ABCA4: variants seen among roughly 807,000 people sequenced by gnomAD.
ABCA4 encodes ATP binding cassette subfamily A member 4.
A neutral mutation model predicts 263.7 loss-of-function variants in ABCA4; 196 were observed. The observed-to-expected ratio is 0.74, with a 90% CI of 0.66 to 0.84. The LOEUF is 0.84. Among genes scored for constraint, ABCA4 ranks in the 40% least tolerant of loss-of-function variants. The probability of loss-of-function intolerance (pLI) is 0.00; values close to 1 mark genes in which losing one functional copy is unlikely to be tolerated. For missense variants in ABCA4, 2,792 were observed against 2,855.1 expected (o/e 0.98, Z 0.50); for synonymous variants, 1,133 against 1,094.2 (o/e 1.04, Z -0.70).
intron 6 of ABCA4, among the ~76,000 whole-genome samples, chr1:94,095,659 C>T (rs1252921131): frequency 6.6e-6 from 1 of 151,966 alleles, no homozygotes; most frequent in Non-Finnish European, 1.5e-5. Context: ...TCTGGGCCTG[C>T]CTCAGGCTTG....
chr1:94,037,905 A>C (rs1422230972), intron 24 of ABCA4, among the ~76,000 whole-genome samples: 1 of 152,158 alleles, frequency 6.6e-6, no homozygotes, highest in Non-Finnish European at 1.5e-5. Flanking sequence ...TCATTCACTG[A>C]AAACTTGAGG....
intron 32 of ABCA4, 89 bp downstream of exon 32, chr1:94,023,297 T>C: frequency 8.9e-7 from 1 of 1,126,288 alleles, no homozygotes. Flanking sequence ...CCCCTCCTCA[T>C]GGCTGTGAGG....
intron 43 of ABCA4, among the ~76,000 whole-genome samples, chr1:94,007,317 A>G (rs1023299827): frequency 6.6e-6 from 1 of 152,178 alleles, no homozygotes. Context: ...TTATAGGAAT[A>G]GGCTACAAAT....
chr1:94,092,280 AAAGCAGTTG>A (rs1402063149), intron 6 of ABCA4, among the ~76,000 whole-genome samples: 2 of 152,178 alleles, frequency 1.3e-5, no homozygotes, highest in East Asian at 1.9e-4. Flanking sequence ...CCAGAGGTGA[AAAGCAGTTG>A]AAGCAGTGGA....
Position 93,996,159 on chromosome 1 carries a change from G to T in ABCA4, c.6766C>A (p.His2256Asn), listed in dbSNP as rs1658994254. The part of the protein sequence containing the change: ...VNFAKQQTES[H>N]DLPLHPRAAG... ...GCTCGAGGGTGCAGAGGGAGGTCAT[G>T]ACTTTCAGTCTGCTGTTTAGCAAAA... The change falls in exon 49 of 50, where the codon CAT (histidine) becomes AAT (asparagine). Residue 2256 changes from histidine to asparagine, a missense_variant. His to Asn is a moderately conservative substitution (Grantham distance 68, BLOSUM62 1). Coordinates refer to ENST00000370225, the MANE Select transcript of ABCA4 (RefSeq NM_000350.3). 6.2e-7 allele frequency: 1 copy of T among 1,614,058 alleles called. No individual in the cohort carries two copies. Among genetic ancestry groups the T allele is most frequent in the Admixed American group, 1.7e-5 (1 of 60,032 alleles).
At chr1:94,088,652 C>T (rs1167081181) in intron 6 of ABCA4, among the ~76,000 whole-genome samples, 2 of 152,196 alleles carry the variant, frequency 1.3e-5, no homozygotes, top group Non-Finnish European at 2.9e-5. Context: ...AATCTCCAGC[C>T]TGGAGATCCA....
At position 94,026,956 on chromosome 1, in the gene ABCA4, AAGAT is replaced by A. The variant is rs546853432; in HGVS notation, c.4540-1912_4540-1909del. 6.6e-5 allele frequency among the ~76,000 whole-genome samples: 10 copies of A among 151,790 alleles called. No individual in the cohort carries two copies. The South Asian group carries it at 1.0e-3, about 16-fold the overall frequency. On this transcript the variant is annotated intron_variant, in intron 30 of 49. Transcript: ENST00000370225. ...TGTGTGAGAAAGAGAGAGAGAGAGA[AAGAT>A]AGAGAGAGAATGAGAAAGAGATTGA...
At chr1:94,030,794 G>C (rs958009398) in intron 28 of ABCA4, among the ~76,000 whole-genome samples, 2 of 152,140 alleles carry the variant, frequency 1.3e-5, no homozygotes, top group Non-Finnish European at 2.9e-5. Flanking sequence ...GCCTTCCCAA[G>C]CAGTCCTGCC....
Position 94,008,865 on chromosome 1 carries a change from G to A in ABCA4, c.5721C>T (p.Ala1907=), listed in dbSNP as rs368502305. The part of the protein sequence containing the change: ...QRHFFLSQWI[A]EPTKEPIVDE... The stretch of plus-strand genomic sequence containing the variant: ...CAACAATGGGCTCCTTAGTGGGCTC[G>A]GCAATCCTAGATGAAGAAAAGGGGT... The change falls in exon 41 of 50, where the codon GCC becomes GCT. Residue 1907 remains alanine (A), a synonymous_variant. Coordinates refer to ENST00000370225, the MANE Select transcript of ABCA4 (RefSeq NM_000350.3). The A allele has an allele frequency of 8.7e-6, 14 of 1,612,234 alleles. No individual in the cohort carries two copies. Among genetic ancestry groups the A allele is most frequent in the South Asian group, 5.5e-5 (5 of 91,016 alleles).
intron 30 of ABCA4, among the ~76,000 whole-genome samples, chr1:94,028,748 A>G (rs1185025293): frequency 6.6e-6 from 1 of 151,864 alleles, no homozygotes; most frequent in Non-Finnish European, 1.5e-5. Flanking sequence ...CTGTACTAAA[A>G]CTACCAAAAA....
chr1:94,098,715 C>G, intron 6 of ABCA4, 79 bp downstream of exon 6: 2 of 1,534,974 alleles, frequency 1.3e-6, no homozygotes, highest in Non-Finnish European at 9.0e-7. Flanking sequence ...GGCTCACGCC[C>G]TCCCCAAGGT....
chr1:94,088,470 G>A (rs1355027893), intron 6 of ABCA4, among the ~76,000 whole-genome samples: 1 of 152,182 alleles, frequency 6.6e-6, no homozygotes, highest in African/African-American at 2.4e-5. Flanking sequence ...TCTCCCCAGA[G>A]CTTCAGACTT....
intron 1 of ABCA4, among the ~76,000 whole-genome samples, chr1:94,117,249 A>T (rs1463006002): frequency 6.6e-6 from 1 of 152,068 alleles, no homozygotes; most frequent in Non-Finnish European, 1.5e-5. Context: ...AAGGCCTAAA[A>T]TGAGCCCCAT....
intron 22 of ABCA4, among the ~76,000 whole-genome samples, chr1:94,042,477 T>C (rs1428845353): frequency 6.6e-6 from 1 of 152,212 alleles, no homozygotes; most frequent in African/African-American, 2.4e-5. Context: ...GACATTCACC[T>C]AGAGTAGCAT....
Position 94,040,070 on chromosome 1 carries a change from C to A in ABCA4, c.3580G>T (p.Asp1194Tyr), listed in dbSNP as rs1297633961. ...FSTTCPAHVD[D>Y]LTPEQVLDGD... The stretch of plus-strand genomic sequence containing the variant: ...TCCAGGACTTGTTCTGGAGTTAGGT[C>A]ATCGACGTGGGCTGGACACGTGGTG... Residue 1194 changes from aspartate to tyrosine, a missense_variant, in exon 24 of 50, where the codon GAC becomes TAC. Coordinates refer to ENST00000370225, the MANE Select transcript of ABCA4 (RefSeq NM_000350.3). The A allele has an allele frequency of 1.9e-6, 3 of 1,608,908 alleles. No individual in the cohort carries two copies. The highest frequency in any genetic ancestry group is 3.4e-5 in the Admixed American group (2 of 59,556).
At position 94,021,390 on chromosome 1, in the gene ABCA4, C is replaced by T; in HGVS notation, c.4868G>A (p.Gly1623Asp). The T allele has an allele frequency of 6.2e-7, 1 of 1,614,162 alleles. No homozygotes were observed. Among genetic ancestry groups the T allele is most frequent in the Non-Finnish European group, 8.5e-7 (1 of 1,180,030 alleles). Residue 1623 changes from glycine to aspartate, a missense_variant, in exon 35 of 50, where the codon GGC (glycine) becomes GAC (aspartate). By Grantham distance (94) the Gly-to-Asp change is moderately conservative. Coordinates refer to ENST00000370225, the MANE Select transcript of ABCA4 (RefSeq NM_000350.3). ...DNIKVWFNNK[G>D]WHALVSFLNV... The stretch of plus-strand genomic sequence containing the variant: ...GAGAAAGCTGACCAGGGCATGCCAG[C>T]CTTTGTTATTAAACCACACCTAGAG...
At chr1:94,097,121 T>G (rs1228627903) in intron 6 of ABCA4, among the ~76,000 whole-genome samples, 1 of 152,228 alleles carries the variant, frequency 6.6e-6, no homozygotes, top group Non-Finnish European at 1.5e-5. Context: ...TAGAGACATT[T>G]GGACTACATT....
intron 30 of ABCA4, among the ~76,000 whole-genome samples, chr1:94,028,906 C>CAAA (rs34738807): frequency 0.064 from 2,326 of 36,236 alleles, 79 homozygotes; most frequent in Middle Eastern, 0.11. Context: ...GACTCTGTCT[C>CAAA]AAAAAAAAAA....
chr1:94,020,925 T>C (rs1659878295), intron 35 of ABCA4, among the ~76,000 whole-genome samples: 2 of 152,262 alleles, frequency 1.3e-5, no homozygotes, highest in South Asian at 4.1e-4. Context: ...ACTTTGCCAG[T>C]TCCTGGCAGC....
Sources: allele counts gnomAD v4.1 joint callset (sites outside exome capture counted in the v4.1 genomes callset), GRCh38; gene constraint gnomAD v4.1.1; transcripts MANE v1.5; gene names NCBI Gene and HGNC (gene_info 2026-07-23, HGNC 2026-07-21).